ARL15: variants seen among roughly 807,000 people sequenced by gnomAD.
ARL15 encodes the protein ARF like GTPase 15, also known as ADP-ribosylation factor-like protein 15.
Under a neutral mutation model 25.2 loss-of-function variants are expected in ARL15, and 19 were observed. That is an observed-to-expected ratio of 0.75 (90% CI 0.53 to 1.10). ARL15 has a LOEUF of 1.10. Ranked by LOEUF, ARL15 falls within the 50% of genes least tolerant of loss-of-function variation. The probability of loss-of-function intolerance (pLI) is 0.00; values close to 1 mark genes in which losing one functional copy is unlikely to be tolerated. For missense variants in ARL15, 220 were observed against 246.0 expected (o/e 0.89, Z 0.71); for synonymous variants, 94 against 86.8 (o/e 1.08, Z -0.46).
At chr5:54,192,964 C>T (rs763881952) in intron 1 of ARL15, among the ~76,000 whole-genome samples, 2 of 152,164 alleles carry the variant, frequency 1.3e-5, no homozygotes, top group African/African-American at 4.8e-5. Flanking sequence ...GGTCCAGTGA[C>T]ACTTTTCATT....
At chr5:54,030,254 T>A (rs1489296387) in intron 4 of ARL15, among the ~76,000 whole-genome samples, 1 of 152,142 alleles carries the variant, frequency 6.6e-6, no homozygotes, top group Non-Finnish European at 1.5e-5. Context: ...AAGCAGCAGT[T>A]ATGTATAAGA....
chr5:54,100,128 A>G (rs1001739094), intron 4 of ARL15, among the ~76,000 whole-genome samples: 15 of 152,192 alleles, frequency 9.9e-5, no homozygotes, highest in Admixed American at 2.0e-4. Flanking sequence ...ACTTAAATAT[A>G]AAGAAAACAC....
chr5:54,299,827 T>C (rs1347584981), intron 1 of ARL15, among the ~76,000 whole-genome samples: 2 of 152,084 alleles, frequency 1.3e-5, no homozygotes, highest in African/African-American at 4.8e-5. Context: ...GATCTCGGGA[T>C]ACATACACCT....
At chr5:54,260,108 C>T (rs983778118) in intron 1 of ARL15, among the ~76,000 whole-genome samples, 4 of 152,154 alleles carry the variant, frequency 2.6e-5, no homozygotes, top group South Asian at 4.1e-4. Flanking sequence ...TATTAAAGCA[C>T]GTTAATGTTC....
At chr5:54,005,213 A>G (rs1748986958) in intron 4 of ARL15, among the ~76,000 whole-genome samples, 1 of 151,944 alleles carries the variant, frequency 6.6e-6, no homozygotes, top group African/African-American at 2.4e-5. Flanking sequence ...AAACTATTAA[A>G]TTAATGTCAC....
chr5:54,066,076 T>C (rs893584581), intron 4 of ARL15, among the ~76,000 whole-genome samples: 10 of 152,212 alleles, frequency 6.6e-5, no homozygotes, highest in African/African-American at 2.2e-4. Flanking sequence ...ACCTCTGTAT[T>C]TTCTCTCCTT....
intron 4 of ARL15, among the ~76,000 whole-genome samples, chr5:53,953,840 T>C (rs1250545948): frequency 6.6e-6 from 1 of 152,166 alleles, no homozygotes. Context: ...TGACAAGCAA[T>C]AATTATTATG....
intron 4 of ARL15, among the ~76,000 whole-genome samples, chr5:54,101,043 C>T (rs1752419323): frequency 6.6e-6 from 1 of 151,900 alleles, no homozygotes; most frequent in African/African-American, 2.4e-5. Context: ...TCTATAGAAC[C>T]TTAGTTAGTC....
intron 1 of ARL15, among the ~76,000 whole-genome samples, chr5:54,204,203 TATATTA>T (rs1755800569): frequency 6.6e-6 from 1 of 152,158 alleles, no homozygotes; most frequent in African/African-American, 2.4e-5. Context: ...TTGTGATAAT[TATATTA>T]ATAACAGTGA....
rs35248295 is a variant in ARL15 at position 54,086,442 on chromosome 5, CTT to C, written c.462+26758_462+26759del. Among the ~76,000 whole-genome samples, 23 of 146,430 alleles carry C rather than the reference CTT, an allele frequency of 1.6e-4. 1 individual carries two copies. The South Asian group carries it at 3.5e-3, about 22-fold the overall frequency. ...CAAGACATTGAGACAATGAAAAGGCCTTTTTTTTTTTTTAAGTATATGTGTTT... is the reference window on the plus strand; with the variant it reads ...CAAGACATTGAGACAATGAAAAGGCCTTTTTTTTTTTAAGTATATGTGTTT... On this transcript the variant is annotated intron_variant, in intron 4 of 4. Transcript: ENST00000504924.
chr5:54,155,440 T>G (rs562221148), intron 2 of ARL15, among the ~76,000 whole-genome samples: 103 of 152,312 alleles, frequency 6.8e-4, no homozygotes, highest in African/African-American at 2.4e-3. Context: ...AGTATTTATG[T>G]TAGTGTCTTC....
At chr5:54,007,352 T>C (rs1749079169) in intron 4 of ARL15, among the ~76,000 whole-genome samples, 1 of 152,222 alleles carries the variant, frequency 6.6e-6, no homozygotes, top group Non-Finnish European at 1.5e-5. Context: ...ATTTCTTTAC[T>C]ACCCTAAAAT....
chr5:53,984,014 C>T (rs1748210263), intron 4 of ARL15, among the ~76,000 whole-genome samples: 1 of 152,196 alleles, frequency 6.6e-6, no homozygotes, highest in Non-Finnish European at 1.5e-5. Context: ...TCCACCCGGG[C>T]TATGTGCACA....
chr5:54,164,922 A>G (rs1754522299), intron 2 of ARL15, among the ~76,000 whole-genome samples: 2 of 151,582 alleles, frequency 1.3e-5, no homozygotes, highest in Middle Eastern at 3.4e-3. Flanking sequence ...TATTTGTTTC[A>G]TCTATTCTTG....
At chr5:54,043,084 C>T (rs1750394987) in intron 4 of ARL15, among the ~76,000 whole-genome samples, 1 of 152,154 alleles carries the variant, frequency 6.6e-6, no homozygotes, top group Non-Finnish European at 1.5e-5. Context: ...ACCTCCTCAT[C>T]CCTTCCTGGC....
chr5:54,159,934 TATTC>T (rs1473493165), intron 2 of ARL15, among the ~76,000 whole-genome samples: 2 of 152,256 alleles, frequency 1.3e-5, no homozygotes, highest in African/African-American at 2.4e-5. Context: ...AGTCTATTTT[TATTC>T]ATTGTGTGGA....
At chr5:54,145,587 C>T (rs745781609) in intron 3 of ARL15, among the ~76,000 whole-genome samples, 1 of 151,924 alleles carries the variant, frequency 6.6e-6, no homozygotes, top group Non-Finnish European at 1.5e-5. Flanking sequence ...CCGAAGTATA[C>T]AAAGAAACAG....
intron 1 of ARL15, among the ~76,000 whole-genome samples, chr5:54,202,697 A>T (rs1301781702): frequency 1.3e-5 from 2 of 152,210 alleles, no homozygotes; most frequent in Non-Finnish European, 2.9e-5. Flanking sequence ...GGATGCCAAA[A>T]AATGAATAAT....
chr5:54,006,692 T>C (rs746776990), intron 4 of ARL15, among the ~76,000 whole-genome samples: 6 of 152,220 alleles, frequency 3.9e-5, no homozygotes, highest in Non-Finnish European at 8.8e-5. Flanking sequence ...GAGGCTGTCA[T>C]TGTTATCCAT....
Sources: allele counts gnomAD v4.1 joint callset (sites outside exome capture counted in the v4.1 genomes callset), GRCh38; gene constraint gnomAD v4.1.1; transcripts MANE v1.5; gene names NCBI Gene and HGNC (gene_info 2026-07-23, HGNC 2026-07-21).